The following GPATCH8 variants were observed in gnomAD, a reference collection of about 807,000 sequenced individuals.
GPATCH8 encodes the protein G-patch domain containing 8, also known as G patch domain-containing protein 8.
A neutral mutation model predicts 118.3 loss-of-function variants in GPATCH8; 18 were observed. That is an observed-to-expected ratio of 0.15 (90% CI 0.11 to 0.23). The LOEUF (loss-of-function observed/expected upper bound fraction) is 0.23, where lower values mean the gene tolerates loss of function less well. Ranked by LOEUF, GPATCH8 falls within the 10% of genes least tolerant of loss-of-function variation. The pLI is 1.00. For missense variants in GPATCH8, 1,631 were observed against 1,873.8 expected (o/e 0.87, Z 2.39); for synonymous variants, 659 against 684.7 (o/e 0.96, Z 0.59).
At chr17:44,421,910 A>G (rs1224946927) in intron 6 of GPATCH8, among the ~76,000 whole-genome samples, 1 of 146,250 alleles carries the variant, frequency 6.8e-6, no homozygotes, top group Non-Finnish European at 1.5e-5. Flanking sequence ...TAGTTTTAGT[A>G]GAGACAGGGT....
At chr17:44,453,434 G>A (rs1231446492) in intron 3 of GPATCH8, among the ~76,000 whole-genome samples, 3 of 150,924 alleles carry the variant, frequency 2.0e-5, no homozygotes, top group African/African-American at 7.3e-5. Flanking sequence ...TAGCATATAT[G>A]AGATTTGTGC....
At chr17:44,403,838 C>T (rs568463996) in intron 7 of GPATCH8, among the ~76,000 whole-genome samples, 100 of 152,216 alleles carry the variant, frequency 6.6e-4, no homozygotes, top group African/African-American at 2.2e-3. Context: ...GGATTACAGG[C>T]GTACGCCACC....
Position 44,405,795 on chromosome 17 carries a change from C to T in GPATCH8, c.623+126G>A, listed in dbSNP as rs117833855. On this transcript the variant is annotated intron_variant, in intron 7 of 7. Coordinates refer to ENST00000591680, the MANE Select transcript of GPATCH8 (RefSeq NM_001002909.4). ...CTGGGATTATAGGGGTGAGCCACTG[C>T]GCCTGGCACAAGGTTTTTAATTCTT... is the stretch of plus-strand genomic sequence containing the variant. 7.2e-3 allele frequency: 5,356 copies of T among 746,192 alleles called. 182 individuals are homozygous for T. In the East Asian group the frequency reaches 0.092, roughly 13 times the overall value. 46.2% of individuals were successfully genotyped at this position (746,192 alleles called of 1,614,324 possible). A position where few individuals can be genotyped will look rare whatever the true frequency, so the allele number is the denominator to read the frequency against.
chr17:44,494,546 T>C (rs1969519011), intron 1 of GPATCH8, among the ~76,000 whole-genome samples: 1 of 152,086 alleles, frequency 6.6e-6, no homozygotes, highest in South Asian at 2.1e-4. Flanking sequence ...GAGCCAAGAC[T>C]GCACCATTGC....
intron 1 of GPATCH8, among the ~76,000 whole-genome samples, chr17:44,479,931 C>A (rs1164180642): frequency 6.6e-6 from 1 of 150,552 alleles, no homozygotes; most frequent in East Asian, 1.9e-4. Context: ...TGCGCCACTG[C>A]ACTCCAGCTT....
At chr17:44,429,681 C>CA in intron 5 of GPATCH8, among the ~76,000 whole-genome samples, 1 of 149,434 alleles carries the variant, frequency 6.7e-6, no homozygotes, top group African/African-American at 2.5e-5. Flanking sequence ...CACACACACA[C>CA]ACACAAAACA....
At chr17:44,453,500 GGTGTGTGTGT>G (rs56962134) in intron 3 of GPATCH8, among the ~76,000 whole-genome samples, 4 of 142,700 alleles carry the variant, frequency 2.8e-5, no homozygotes, top group East Asian at 4.1e-4. Context: ...GGTAGGTAGG[GGTGTGTGTGT>G]GTGTGTGTGT....
At position 44,446,348 on chromosome 17, in the gene GPATCH8, C is replaced by T. The variant is rs554080520; in HGVS notation, c.194-9803G>A. ...TTGGGAGGCCGAGGCGGGCAGATCA[C>T]GAGGTCAGCAGATCGAGACCATCCT... On this transcript the variant is annotated intron_variant, in intron 3 of 7. Transcript: ENST00000591680. Among the ~76,000 whole-genome samples, 12 of 152,202 alleles carry T rather than the reference C, an allele frequency of 7.9e-5. No individual in the cohort carries two copies. The South Asian group carries it at 1.9e-3, about 24-fold the overall frequency.
intron 7 of GPATCH8, among the ~76,000 whole-genome samples, chr17:44,403,268 C>T (rs1484120655): frequency 6.6e-6 from 1 of 152,016 alleles, no homozygotes; most frequent in Non-Finnish European, 1.5e-5. Flanking sequence ...TAGAGATGGG[C>T]TTCACCATGT....
intron 6 of GPATCH8, among the ~76,000 whole-genome samples, chr17:44,409,573 T>C (rs2049357322): frequency 6.6e-6 from 1 of 152,206 alleles, no homozygotes. Context: ...CAGTTATTCC[T>C]GTCTTTTAAA....
rs1276227792 is a variant in GPATCH8 at position 44,397,429 on chromosome 17, T to G, written c.*139A>C. On this transcript the variant is annotated 3_prime_UTR_variant, in exon 8 of 8. Transcript: ENST00000591680. ...CAAACTTCAAATCTAAACCCACCCC[T>G]GCAAGCCAAAACTCAATTCTTTGGC... 1.4e-6 allele frequency: 1 copy of G among 723,248 alleles called. No homozygotes were observed. 44.8% of individuals were successfully genotyped at this position (723,248 alleles called of 1,614,324 possible).
At chr17:44,403,510 C>A (rs960058940) in intron 7 of GPATCH8, among the ~76,000 whole-genome samples, 1 of 151,810 alleles carries the variant, frequency 6.6e-6, no homozygotes, top group East Asian at 1.9e-4. Context: ...TGAGCCACTG[C>A]GCATCTGGCT....
chr17:44,501,274 G>A (rs971459074), intron 1 of GPATCH8, among the ~76,000 whole-genome samples: 10 of 151,976 alleles, frequency 6.6e-5, no homozygotes, highest in African/African-American at 1.7e-4. Context: ...AAAATTAGCC[G>A]GGTATGGTGG....
At chr17:44,466,222 G>C (rs372576715) in intron 2 of GPATCH8, among the ~76,000 whole-genome samples, 9 of 151,468 alleles carry the variant, frequency 5.9e-5, no homozygotes, top group Admixed American at 4.6e-4. Context: ...TGCCCACGAT[G>C]ATCTAGAACT....
At chr17:44,464,379 T>G (rs2051679214) in intron 3 of GPATCH8, 93 bp downstream of exon 3, 11 of 827,856 alleles carry the variant, frequency 1.3e-5, no homozygotes, top group Non-Finnish European at 2.4e-5. Flanking sequence ...GAAACCCAAG[T>G]ACTTTTTTAA....
rs1358980059 is a variant in GPATCH8 at position 44,399,318 on chromosome 17, T to G, written c.2759A>C (p.Lys920Thr). The change falls in exon 8 of 8, where the codon AAA becomes ACA. Residue 920 changes from lysine to threonine, a missense_variant. Around this residue, in one of 8 missense-constraint regions of GPATCH8, gnomAD observed 922 missense variants for 879.7 expected, o/e 1.05. Coordinates refer to ENST00000591680, the MANE Select transcript of GPATCH8 (RefSeq NM_001002909.4). ...DSDDSDYASS[K>T]HRSKRHKYSS... ...ATATTTGTGCCGTTTTGATCGGTGT[T>G]TGGAGCTGGCATAGTCTGAGTCATC... 6.2e-7 allele frequency: 1 copy of G among 1,614,050 alleles called. No individual in the cohort carries two copies. The highest frequency in any genetic ancestry group is 8.5e-7 in the Non-Finnish European group (1 of 1,179,908).
chr17:44,468,629 A>G (rs1967015410), intron 2 of GPATCH8, among the ~76,000 whole-genome samples: 1 of 151,984 alleles, frequency 6.6e-6, no homozygotes, highest in African/African-American at 2.4e-5. Context: ...CAGTTACTAT[A>G]ATAATGACTA....
intron 6 of GPATCH8, among the ~76,000 whole-genome samples, chr17:44,408,874 G>C (rs2049329213): frequency 6.6e-6 from 1 of 152,086 alleles, no homozygotes; most frequent in East Asian, 1.9e-4. Flanking sequence ...TACCCTATAA[G>C]GCTTAGGAAG....
chr17:44,423,627 T>C (rs987983574), intron 6 of GPATCH8, among the ~76,000 whole-genome samples: 1 of 152,232 alleles, frequency 6.6e-6, no homozygotes, highest in African/African-American at 2.4e-5. Context: ...GGCTTGAAAT[T>C]CTTTAACAAG....
Sources: allele counts gnomAD v4.1 joint callset (sites outside exome capture counted in the v4.1 genomes callset), GRCh38; gene constraint gnomAD v4.1.1; regional missense constraint gnomAD v4.1.1; transcripts MANE v1.5; gene names NCBI Gene and HGNC (gene_info 2026-07-23, HGNC 2026-07-21).